The following GIN1 variants were observed in gnomAD, a reference collection of about 807,000 sequenced individuals.
GIN1 encodes gypsy retrotransposon integrase 1, also known as gypsy retrotransposon integrase-like protein 1.
GIN1 carries 41 observed loss-of-function variants against 51.4 expected under a neutral mutation model. The observed-to-expected ratio is 0.80, with a 90% confidence interval of 0.62 to 1.04. The LOEUF is 1.04. Among genes scored for constraint, GIN1 ranks in the 50% least tolerant of loss-of-function variants. The probability of loss-of-function intolerance (pLI) is 0.00; values close to 1 mark genes in which losing one functional copy is unlikely to be tolerated. For synonymous variants in GIN1, 222 were observed against 206.5 expected (o/e 1.07, Z -0.64); for missense variants, 610 against 612.4 (o/e 1.00, Z 0.04).
chr5:103,095,479 C>T (rs1787366580), intron 7 of GIN1, among the ~76,000 whole-genome samples: 1 of 152,182 alleles, frequency 6.6e-6, no homozygotes, highest in Admixed American at 6.5e-5. Context: ...CCAACCATGA[C>T]CTAACTATAA....
chr5:103,107,632 C>T (rs570864137), intron 2 of GIN1, among the ~76,000 whole-genome samples: 1 of 152,162 alleles, frequency 6.6e-6, no homozygotes, highest in Admixed American at 6.6e-5. Context: ...AGAAGATAAG[C>T]AACCTAAGAG....
chr5:103,115,507 T>C (rs1376732009), intron 1 of GIN1, among the ~76,000 whole-genome samples: 1 of 152,092 alleles, frequency 6.6e-6, no homozygotes, highest in African/African-American at 2.4e-5. Flanking sequence ...GATGGTTGCA[T>C]AGAACAGGGG....
chr5:103,104,892 TCAACA>T (rs782346449), intron 3 of GIN1, 46 bp from the exon 4 acceptor site: 10 of 1,113,092 alleles, frequency 9.0e-6, no homozygotes, highest in Admixed American at 8.9e-5. Flanking sequence ...ATGTTAACAC[TCAACA>T]CAATATAAAA....
intron 1 of GIN1, among the ~76,000 whole-genome samples, chr5:103,110,483 T>C (rs1787849387): frequency 6.6e-6 from 1 of 152,212 alleles, no homozygotes; most frequent in African/African-American, 2.4e-5. Context: ...AATAAGCACG[T>C]GAAAATGTGC....
At chr5:103,102,106 T>C (rs913727930) in intron 4 of GIN1, among the ~76,000 whole-genome samples, 1 of 152,226 alleles carries the variant, frequency 6.6e-6, no homozygotes, top group Non-Finnish European at 1.5e-5. Flanking sequence ...GAATGTGACC[T>C]CCATTTCTAG....
chr5:103,088,237 C>T (rs1246088118), intron 7 of GIN1, 65 bp from the exon 8 acceptor site: 3 of 966,560 alleles, frequency 3.1e-6, no homozygotes, highest in Non-Finnish European at 4.4e-6. Context: ...TTTAATTAAA[C>T]AATTTTAAGT....
intron 1 of GIN1, 108 bp from the exon 2 acceptor site, chr5:103,108,822 C>A (rs1260139298): frequency 2.4e-5 from 17 of 714,170 alleles, no homozygotes; most frequent in African/African-American, 3.7e-5. Flanking sequence ...CGAGAATTCC[C>A]AGAATTTATT....
At chr5:103,088,211 A>ATAATTAAACATATTTTT (rs1482825164) in intron 7 of GIN1, 39 bp from the exon 8 acceptor site, 4 of 1,178,038 alleles carry the variant, frequency 3.4e-6, no homozygotes, top group Admixed American at 5.4e-5. Flanking sequence ...TTTTAGAATT[A>ATAATTAAACATATTTTT]TAATTAAACA....
In GIN1 at chr5:103,088,006, T is replaced by C. The variant is rs975504355; in HGVS notation, c.1461A>G (p.Glu487=). ...ATGGAGAGATTTTCGTATTTCTATA[T>C]TCTAATAGTTCACGATCCTTGCTTG... The part of the protein sequence containing the change: ...LTSSKDRELL[E]YRNTKISPLI... Residue 487 remains glutamate (E), a synonymous_variant, in exon 8 of 8, where the codon GAA becomes GAG. Transcript: ENST00000399004. 4.4e-6 allele frequency: 7 copies of C among 1,603,678 alleles called. No homozygotes were observed. The highest frequency in any genetic ancestry group is 3.3e-4 in the Middle Eastern group (2 of 6,070).
At chr5:103,088,221 A>C (rs1233197123) in intron 7 of GIN1, 49 bp from the exon 8 acceptor site, 1 of 1,098,140 alleles carries the variant, frequency 9.1e-7, no homozygotes, top group East Asian at 2.8e-5. Flanking sequence ...ATAATTAAAC[A>C]TATTTTTTAA....
rs3836841 is a variant in GIN1 at position 103,117,581 on chromosome 5, T to TACACACACACACACAC, written c.-8+2467_-8+2482dup. Reference sequence around the variant, plus strand: ...GGTTCTCTATATGAAGAAAAAAATATACACACACACACACACACATATCAT... The same window carrying TACACACACACACACAC: ...GGTTCTCTATATGAAGAAAAAAATATACACACACACACACACACACACACACACACACACATATCAT... On this transcript the variant is annotated intron_variant, in intron 1 of 7. Coordinates refer to ENST00000399004, the MANE Select transcript of GIN1 (RefSeq NM_017676.2). Among the ~76,000 whole-genome samples, 145 of 149,488 alleles carry TACACACACACACACAC rather than the reference T, an allele frequency of 9.7e-4. 1 individual carries two copies. Among genetic ancestry groups the TACACACACACACACAC allele is most frequent in the African/African-American group, 3.4e-3 (141 of 40,998 alleles).
intron 3 of GIN1, among the ~76,000 whole-genome samples, chr5:103,105,577 G>T (rs562206746): frequency 6.6e-6 from 1 of 152,060 alleles, no homozygotes; most frequent in Admixed American, 6.6e-5. Flanking sequence ...CGTGGGAAAA[G>T]AATAAACATA....
intron 6 of GIN1, among the ~76,000 whole-genome samples, 180 bp from the exon 7 acceptor site, chr5:103,097,006 T>C (rs992870904): frequency 4.6e-5 from 7 of 152,222 alleles, no homozygotes; most frequent in African/African-American, 1.7e-4. Context: ...CTACTTTATA[T>C]AGAAGGTAAA....
At chr5:103,091,046 T>G (rs962042643) in intron 7 of GIN1, among the ~76,000 whole-genome samples, 7 of 152,312 alleles carry the variant, frequency 4.6e-5, no homozygotes, top group African/African-American at 9.6e-5. Context: ...AAAACCACTC[T>G]GAATATGTCA....
chr5:103,088,526 C>T (rs1343227802), intron 7 of GIN1, among the ~76,000 whole-genome samples: 1 of 152,172 alleles, frequency 6.6e-6, no homozygotes, highest in African/African-American at 2.4e-5. Context: ...TGCACAGTGC[C>T]TCATGCCTGT....
rs781983622 is a variant in GIN1, at chr5:103,097,784, GA to G, written c.640-4del. ...AATCTGTACAGTTCAATATTGATCT[GA>G]AAAATATATAAAACAAAGGTGGCTT... is the stretch of plus-strand genomic sequence containing the variant. On this transcript the variant is annotated splice_region_variant and splice_polypyrimidine_tract_variant and intron_variant, in intron 4 of 7. Transcript: ENST00000399004. 2.3e-6 allele frequency: 3 copies of G among 1,310,898 alleles called. No homozygotes were observed. Among genetic ancestry groups the G allele is most frequent in the Admixed American group, 2.2e-5 (1 of 46,444 alleles). The allele number at this position is 1,310,898 out of a possible 1,614,324, so 81.2% of individuals were successfully genotyped here. A position where few individuals can be genotyped will look rare whatever the true frequency, so the allele number is the denominator to read the frequency against.
intron 7 of GIN1, among the ~76,000 whole-genome samples, chr5:103,090,956 A>G (rs1298885503): frequency 6.6e-6 from 1 of 152,104 alleles, no homozygotes; most frequent in Non-Finnish European, 1.5e-5. Flanking sequence ...GTTAACCTTT[A>G]AAGTAACTTA....
intron 2 of GIN1, among the ~76,000 whole-genome samples, chr5:103,107,936 A>G (rs1787771036): frequency 1.3e-5 from 2 of 152,064 alleles, no homozygotes; most frequent in South Asian, 2.1e-4. Context: ...ACAAACATTC[A>G]TTCAATTATC....
intron 4 of GIN1, among the ~76,000 whole-genome samples, chr5:103,100,414 G>C (rs1554195656): frequency 6.6e-6 from 1 of 151,236 alleles, no homozygotes; most frequent in South Asian, 2.1e-4. Flanking sequence ...ATTTTTTTGA[G>C]ACAGGGTCTC....
Sources: gnomAD v4.1 joint callset for allele counts (sites outside exome capture counted in the v4.1 genomes callset) on GRCh38, gnomAD v4.1.1 for gene constraint, MANE v1.5 for transcripts, NCBI Gene and HGNC (gene_info 2026-07-23, HGNC 2026-07-21) for gene names.